LAMB3: variants seen among roughly 807,000 people sequenced by gnomAD.
LAMB3 encodes the protein laminin subunit beta-3.
In LAMB3, 104 loss-of-function variants were observed where a neutral mutation model predicts 140.3. The ratio of observed to expected loss-of-function variants is 0.74; its 90% CI spans 0.63 to 0.87. LAMB3 has a LOEUF of 0.87. Ranked by LOEUF, LAMB3 falls within the 40% of genes least tolerant of loss-of-function variation. LAMB3 has a pLI of 0.00. For missense variants in LAMB3, 1,531 were observed against 1,575.2 expected (o/e 0.97, Z 0.47); for synonymous variants, 592 against 602.9 (o/e 0.98, Z 0.26).
At chr1:209,618,719 C>T in intron 18 of LAMB3, 60 bp from the exon 19 acceptor site, 5 of 1,518,092 alleles carry the variant, frequency 3.3e-6, no homozygotes, top group Non-Finnish European at 4.5e-6. Flanking sequence ...GATACGAGGC[C>T]TCTCCTAGCT....
chr1:209,624,141 C>CT (rs1429596548), intron 14 of LAMB3, 141 bp from the exon 15 acceptor site: 39 of 703,546 alleles, frequency 5.5e-5, no homozygotes, highest in Non-Finnish European at 8.2e-5. Context: ...AATCCACAGG[C>CT]TAAGGGGGTT....
intron 3 of LAMB3, among the ~76,000 whole-genome samples, chr1:209,643,475 A>C (rs2076488966): frequency 6.6e-6 from 1 of 152,212 alleles, no homozygotes; most frequent in Admixed American, 6.5e-5. Context: ...TCCAGCTGGA[A>C]AGGCTAGGCC....
chr1:209,634,564 C>T lies in LAMB3; in HGVS notation c.447G>A (p.Leu149=). The change falls in exon 6 of 23, where the codon CTG becomes CTA. Residue 149 remains leucine (L), a synonymous_variant. Coordinates refer to ENST00000356082, the MANE Select transcript of LAMB3 (RefSeq NM_000228.3). ...GGAAGGTGGAGGTGCAGTCGGCAGC[C>T]AGGTACTGGTACACTCGCCAGGTCT... ...FGKTWRVYQY[L]AADCTSTFPR... 1 of 1,614,132 alleles carries T rather than the reference C, an allele frequency of 6.2e-7. No individual in the cohort carries two copies. The highest frequency in any genetic ancestry group is 8.5e-7 in the Non-Finnish European group (1 of 1,180,022).
At chr1:209,637,822 A>T (rs1390809172) in intron 5 of LAMB3, 86 bp downstream of exon 5, 1 of 1,067,166 alleles carries the variant, frequency 9.4e-7, no homozygotes, top group East Asian at 2.5e-5. Context: ...ACCCAGAGAG[A>T]CAAGGACACT....
intron 18 of LAMB3, 85 bp from the exon 19 acceptor site, chr1:209,618,744 G>C: frequency 7.5e-7 from 1 of 1,336,492 alleles, no homozygotes; most frequent in Non-Finnish European, 1.0e-6. Flanking sequence ...AGCACTTGTG[G>C]AAGGCACCCA....
intron 10 of LAMB3, among the ~76,000 whole-genome samples, chr1:209,628,824 C>A (rs1056448815): frequency 2.0e-5 from 3 of 152,176 alleles, no homozygotes; most frequent in Admixed American, 2.0e-4. Context: ...TACTCTGTGC[C>A]AACCACTGAA....
At chr1:209,622,727 C>T (rs372863655) in intron 17 of LAMB3, 47 bp from the exon 18 acceptor site, 4 of 1,611,734 alleles carry the variant, frequency 2.5e-6, no homozygotes, top group Admixed American at 1.7e-5. Flanking sequence ...CCCAAGGGAA[C>T]CTCTCAGCAG....
intron 3 of LAMB3, among the ~76,000 whole-genome samples, chr1:209,641,659 G>T (rs1297716648): frequency 6.6e-6 from 1 of 152,216 alleles, no homozygotes; most frequent in Non-Finnish European, 1.5e-5. Context: ...GAAGGCTAAG[G>T]CAGAGAGAGC....
chr1:209,620,963 G>A (rs974287760), intron 18 of LAMB3, among the ~76,000 whole-genome samples: 1 of 152,130 alleles, frequency 6.6e-6, no homozygotes, highest in Non-Finnish European at 1.5e-5. Flanking sequence ...CAAGCCCACC[G>A]CTACAGAAAA....
intron 8 of LAMB3, among the ~76,000 whole-genome samples, chr1:209,631,449 C>A (rs900401818): frequency 1.3e-5 from 2 of 152,212 alleles, no homozygotes; most frequent in Non-Finnish European, 2.9e-5. Context: ...TAGGCTCCAG[C>A]TAGAACGGCA....
chr1:209,651,591 G>A (rs535276045), intron 1 of LAMB3, among the ~76,000 whole-genome samples: 1 of 152,292 alleles, frequency 6.6e-6, no homozygotes, highest in African/African-American at 2.4e-5. Flanking sequence ...AGTGAGTGAG[G>A]GTTTCTTCTG....
Position 209,633,100 on chromosome 1 carries a change from T to C in LAMB3, c.598A>G (p.Ile200Val). The C allele has an allele frequency of 6.2e-7, 1 of 1,612,858 alleles. No homozygotes were observed. The highest frequency in any genetic ancestry group is 8.5e-7 in the Non-Finnish European group (1 of 1,178,878). ...ATTTTTTGACTTTGAGTTGCTGGAA[T>C]CCCAGACACTAAATCCATAAGGTTA... ...QLNLMDLVSG[I>V]PATQSQKIQE... The change falls in exon 7 of 23, where the codon ATT (isoleucine) becomes GTT (valine). Residue 200 changes from isoleucine to valine, a missense_variant. Ile to Val is a conservative substitution (Grantham distance 29, BLOSUM62 3). Transcript: ENST00000356082.
At chr1:209,621,766 C>T (rs548710440) in intron 18 of LAMB3, among the ~76,000 whole-genome samples, 2 of 152,316 alleles carry the variant, frequency 1.3e-5, no homozygotes, top group African/African-American at 4.8e-5. Flanking sequence ...TACAGCCCTT[C>T]CTCACTCCCC....
chr1:209,637,934 GC>G lies in LAMB3; in HGVS notation c.345del (p.Gln115HisfsTer6). 6.2e-7 allele frequency: 1 copy of G among 1,613,254 alleles called. No individual in the cohort carries two copies. Among genetic ancestry groups the G allele is most frequent in the Non-Finnish European group, 8.5e-7 (1 of 1,179,694 alleles). On this transcript the variant is annotated frameshift_variant, in exon 5 of 23. Coordinates refer to ENST00000356082, the MANE Select transcript of LAMB3 (RefSeq NM_000228.3). LOFTEE classifies it high-confidence loss of function. ...TGGAACTCCATCATGACTTCTTGAA[GC>G]TGGAATCTCCTGTCCAGGTCCAGCT... ...SLQLDLDRRF[Q>X]LQEVMMEFQG...
intron 8 of LAMB3, 95 bp from the exon 9 acceptor site, chr1:209,630,830 C>T: frequency 7.0e-7 from 1 of 1,425,826 alleles, no homozygotes. Context: ...GCGCACCACT[C>T]AGGATCTGGC....
At chr1:209,643,266 G>A (rs957316843) in intron 3 of LAMB3, among the ~76,000 whole-genome samples, 10 of 151,416 alleles carry the variant, frequency 6.6e-5, no homozygotes, top group African/African-American at 2.4e-4. Context: ...AGCGTCGTGT[G>A]CATGTGTGAT....
chr1:209,634,354 TC>T (rs1047691396), intron 6 of LAMB3, 92 bp downstream of exon 6: 7 of 1,341,304 alleles, frequency 5.2e-6, no homozygotes, highest in Middle Eastern at 1.8e-4. Flanking sequence ...CGAGGGTGTT[TC>T]CGTCCCTTCT....
chr1:209,651,131 T>C (rs1456953795), intron 1 of LAMB3, 150 bp from the exon 2 acceptor site: 8 of 671,586 alleles, frequency 1.2e-5, no homozygotes, highest in Non-Finnish European at 2.2e-5. Flanking sequence ...GATACATTTG[T>C]AGCTTGGAAA....
chr1:209,642,419 T>C (rs1404195197), intron 3 of LAMB3, among the ~76,000 whole-genome samples: 1 of 152,304 alleles, frequency 6.6e-6, no homozygotes, highest in East Asian at 1.9e-4. Context: ...AGTGGAATCA[T>C]AGATAACTTT....
Sources: allele counts gnomAD v4.1 joint callset (sites outside exome capture counted in the v4.1 genomes callset), GRCh38; gene constraint gnomAD v4.1.1; transcripts MANE v1.5; gene names NCBI Gene and HGNC (gene_info 2026-07-23, HGNC 2026-07-21).